The following CRYBG1 variants were observed in gnomAD, a reference collection of about 807,000 sequenced individuals.
CRYBG1 encodes the protein beta/gamma crystallin domain-containing protein 1.
In CRYBG1, 139 loss-of-function variants were observed where a neutral mutation model predicts 189.2. That is an observed-to-expected ratio of 0.73 (90% CI 0.64 to 0.85). CRYBG1 has a LOEUF of 0.85. CRYBG1 is among the 40% of genes least tolerant of loss of function. The pLI is 0.00. For missense variants in CRYBG1, 2,611 were observed against 2,675.8 expected, an observed-to-expected ratio of 0.98 and a Z score of 0.53; for synonymous variants, 1,023 against 1,017.1, an observed-to-expected ratio of 1.01 and a Z score of -0.11.
At chr6:106,430,801 T>C (rs1000602684) in intron 1 of CRYBG1, among the ~76,000 whole-genome samples, 1 of 152,116 alleles carries the variant, frequency 6.6e-6, no homozygotes, top group African/African-American at 2.4e-5. Flanking sequence ...GGAAAATAAC[T>C]ATGCTTCAAC....
At chr6:106,423,084 G>T (rs1252335570) in intron 1 of CRYBG1, among the ~76,000 whole-genome samples, 1 of 152,090 alleles carries the variant, frequency 6.6e-6, no homozygotes, top group East Asian at 1.9e-4. Flanking sequence ...TTACTTCTTG[G>T]TGTTATGGAA....
In CRYBG1 at chr6:106,521,599, C is replaced by T. The variant is rs551872558; in HGVS notation, c.4245+146C>T. ...CATTCATCACATATTTGAAAACCTGCAATGTACAAGGGACCGTTAGAGTGC... is the reference window on the plus strand; with the variant it reads ...CATTCATCACATATTTGAAAACCTGTAATGTACAAGGGACCGTTAGAGTGC... On this transcript the variant is annotated intron_variant, in intron 4 of 21. Coordinates refer to ENST00000633556, the MANE Select transcript of CRYBG1 (RefSeq NM_001371242.2). The T allele has an allele frequency of 1.6e-4, 154 of 973,426 alleles. No homozygotes were observed. The African/African-American group carries it at 2.4e-3, about 15-fold the overall frequency. The allele number at this position is 973,426 out of a possible 1,614,324, so 60.3% of individuals were successfully genotyped here.
intron 2 of CRYBG1, among the ~76,000 whole-genome samples, chr6:106,472,818 C>T (rs1313451515): frequency 6.6e-6 from 1 of 150,772 alleles, no homozygotes; most frequent in Non-Finnish European, 1.5e-5. Flanking sequence ...GTGAGAGAAT[C>T]ACTTGAGCCT....
chr6:106,482,511 C>T (rs781631562), intron 2 of CRYBG1, among the ~76,000 whole-genome samples: 39 of 152,150 alleles, frequency 2.6e-4, no homozygotes, highest in Admixed American at 1.8e-3. Context: ...CATGGTGGCT[C>T]ACGCCTATAA....
chr6:106,463,351 A>T (rs1772052148), intron 2 of CRYBG1, among the ~76,000 whole-genome samples: 1 of 152,084 alleles, frequency 6.6e-6, no homozygotes, highest in South Asian at 2.1e-4. Context: ...TCTACTTGTA[A>T]TAGTATACAT....
intron 1 of CRYBG1, among the ~76,000 whole-genome samples, chr6:106,416,965 C>T (rs972012426): frequency 4.4e-5 from 6 of 137,182 alleles, no homozygotes; most frequent in Admixed American, 7.3e-5. Context: ...GTTTTTTTTA[C>T]ATTAATTGAG....
At chr6:106,502,452 A>G (rs1676021) in intron 2 of CRYBG1, among the ~76,000 whole-genome samples, 31,109 of 152,210 alleles carry the variant, frequency 0.2, 3,344 homozygotes, top group Non-Finnish European at 0.24. Context: ...GTTAATCAGG[A>G]TATGCATATA....
Position 106,520,291 on chromosome 6 carries a change from A to G in CRYBG1, c.3083A>G (p.Gln1028Arg), listed in dbSNP as rs761714288. 9 of 1,614,160 alleles carry G rather than the reference A, an allele frequency of 5.6e-6. No individual in the cohort carries two copies. In the South Asian group the frequency reaches 9.9e-5, roughly 18 times the overall value. Residue 1028 changes from glutamine to arginine, a missense_variant, in exon 4 of 22, where the codon CAA (glutamine) becomes CGA (arginine). Physicochemically the swap from Gln to Arg is conservative, Grantham distance 43 (BLOSUM62 1). Transcript: ENST00000633556. ...TAELAAKSGPQVIPPASEKTL... is the reference protein window; with the variant it reads ...TAELAAKSGPRVIPPASEKTL... ...GAGCTCGCGGCAAAATCTGGCCCAC[A>G]AGTCATACCGCCAGCATCAGAGAAA... is the stretch of plus-strand genomic sequence containing the variant.
At chr6:106,434,000 G>A (rs1035473072) in intron 1 of CRYBG1, among the ~76,000 whole-genome samples, 4 of 151,866 alleles carry the variant, frequency 2.6e-5, no homozygotes, top group East Asian at 1.9e-4. Flanking sequence ...TTAGGTTGCC[G>A]TCAAGCTGTC....
chr6:106,512,178 C>T lies in CRYBG1; in HGVS notation c.1061C>T (p.Thr354Met), dbSNP rs114293299. The T allele has an allele frequency of 1.6e-5, 24 of 1,534,958 alleles. No individual in the cohort carries two copies. The highest frequency in any genetic ancestry group is 3.3e-4 in the Middle Eastern group (2 of 5,974). Residue 354 changes from threonine (T) to methionine (M), a missense_variant, in exon 3 of 22, where the codon ACG (threonine) becomes ATG (methionine). By Grantham distance (81) the Thr-to-Met change is moderately conservative. Coordinates refer to ENST00000633556, the MANE Select transcript of CRYBG1 (RefSeq NM_001371242.2). ...CCTCCGGCCGAGGGCGCAGCGCACA[C>T]GGCCAGCTCCGCGCAGGCAGACTGC... ...GEPPAEGAAHTASSAQADCTA... is the reference protein window; with the variant it reads ...GEPPAEGAAHMASSAQADCTA...
chr6:106,439,018 A>G (rs1771520466), intron 1 of CRYBG1, among the ~76,000 whole-genome samples: 1 of 150,530 alleles, frequency 6.6e-6, no homozygotes, highest in South Asian at 2.1e-4. Context: ...TGGGAAACAT[A>G]GTGAGACCTG....
chr6:106,534,929 T>G (rs1023521247), intron 8 of CRYBG1, among the ~76,000 whole-genome samples: 1 of 152,194 alleles, frequency 6.6e-6, no homozygotes, highest in Non-Finnish European at 1.5e-5. Flanking sequence ...ATCATTTGAC[T>G]GAGGAAGACA....
chr6:106,551,778 CAT>C (rs1774409571), intron 13 of CRYBG1, 72 bp from the exon 14 acceptor site: 1 of 1,470,158 alleles, frequency 6.8e-7, no homozygotes. Context: ...CTGTATGATA[CAT>C]AGATATCCAA....
chr6:106,484,687 T>C (rs978905057), intron 2 of CRYBG1, among the ~76,000 whole-genome samples: 1 of 152,136 alleles, frequency 6.6e-6, no homozygotes, highest in East Asian at 1.9e-4. Flanking sequence ...ATATGAATTG[T>C]AGAATTTTTT....
intron 2 of CRYBG1, among the ~76,000 whole-genome samples, chr6:106,497,758 G>T (rs1385670365): frequency 6.6e-6 from 1 of 152,194 alleles, no homozygotes; most frequent in Admixed American, 6.5e-5. Flanking sequence ...CACCTCACAT[G>T]ACTGTTATAA....
chr6:106,548,268 T>C (rs1202800463), intron 13 of CRYBG1, among the ~76,000 whole-genome samples: 1 of 152,198 alleles, frequency 6.6e-6, no homozygotes, highest in Non-Finnish European at 1.5e-5. Context: ...ATCTCAGATC[T>C]GGGTTTTGCG....
At chr6:106,497,999 G>A (rs915951539) in intron 2 of CRYBG1, among the ~76,000 whole-genome samples, 1 of 151,984 alleles carries the variant, frequency 6.6e-6, no homozygotes, top group Non-Finnish European at 1.5e-5. Flanking sequence ...TGCTTAGGAG[G>A]CTGAGGCATG....
At chr6:106,409,937 G>T (rs1343275461) in intron 1 of CRYBG1, among the ~76,000 whole-genome samples, 1 of 152,090 alleles carries the variant, frequency 6.6e-6, no homozygotes, top group African/African-American at 2.4e-5. Context: ...GAAAACCTAG[G>T]CAATACCATC....
intron 1 of CRYBG1, among the ~76,000 whole-genome samples, chr6:106,382,360 T>G (rs1437269527): frequency 6.6e-6 from 1 of 152,228 alleles, no homozygotes; most frequent in African/African-American, 2.4e-5. Context: ...CTCTGGTATG[T>G]TGTAAAAGAA....
Sources: gnomAD v4.1 joint callset for allele counts (sites outside exome capture counted in the v4.1 genomes callset) on GRCh38, gnomAD v4.1.1 for gene constraint, MANE v1.5 for transcripts, NCBI Gene and HGNC (gene_info 2026-07-23, HGNC 2026-07-21) for gene names.